The following MDH1B variants were observed in gnomAD, a reference collection of about 807,000 sequenced individuals.
MDH1B encodes malate dehydrogenase 1B, also known as putative malate dehydrogenase 1B.
A neutral mutation model predicts 61.4 loss-of-function variants in MDH1B; 60 were observed. The ratio of observed to expected loss-of-function variants is 0.98; its 90% confidence interval spans 0.79 to 1.21. MDH1B has a LOEUF of 1.21. Ranked by LOEUF, MDH1B falls within the 50% of genes most tolerant of loss-of-function variation. The probability of loss-of-function intolerance (pLI) is 0.00; values close to 1 mark genes in which losing one functional copy is unlikely to be tolerated. For missense variants in MDH1B, 587 were observed against 632.1 expected, an observed-to-expected ratio of 0.93 and a Z score of 0.76; for synonymous variants, 236 against 218.7, an observed-to-expected ratio of 1.08 and a Z score of -0.70.
chr2:206,740,605 A>G (rs7588881), intron 10 of MDH1B, among the ~76,000 whole-genome samples: 4,956 of 152,264 alleles, frequency 0.033, 272 homozygotes, highest in African/African-American at 0.11. Context: ...TAAATTATAT[A>G]TATGATGAGA....
intron 9 of MDH1B, among the ~76,000 whole-genome samples, chr2:206,742,375 A>G (rs947882871): frequency 1.3e-5 from 2 of 152,220 alleles, no homozygotes; most frequent in Middle Eastern, 3.2e-3. Flanking sequence ...AGCTGGGGAC[A>G]CTGAGTTTGT....
At chr2:206,744,838 T>A (rs944958473) in intron 9 of MDH1B, among the ~76,000 whole-genome samples, 1 of 152,002 alleles carries the variant, frequency 6.6e-6, no homozygotes, top group South Asian at 2.1e-4. Context: ...GACAGGAGAA[T>A]CGCTCGTACC....
intron 1 of MDH1B, among the ~76,000 whole-genome samples, chr2:206,761,236 G>A (rs1425764025): frequency 1.3e-5 from 2 of 151,764 alleles, no homozygotes; most frequent in African/African-American, 4.8e-5. Flanking sequence ...ACAAAATGTG[G>A]AAAGAAAAAA....
chr2:206,763,951 A>G (rs1689265422), intron 1 of MDH1B, among the ~76,000 whole-genome samples: 1 of 152,072 alleles, frequency 6.6e-6, no homozygotes, highest in Non-Finnish European at 1.5e-5. Context: ...TACATGCAAC[A>G]TTCTCTGTGT....
intron 7 of MDH1B, 129 bp downstream of exon 7, chr2:206,748,891 T>A: frequency 1.4e-6 from 1 of 703,956 alleles, no homozygotes; most frequent in Non-Finnish European, 2.3e-6. Flanking sequence ...TGAATGAGTA[T>A]GAAATTGTAA....
chr2:206,756,292 T>C (rs1350270329), intron 4 of MDH1B, among the ~76,000 whole-genome samples: 1 of 152,074 alleles, frequency 6.6e-6, no homozygotes, highest in Non-Finnish European at 1.5e-5. Flanking sequence ...TAATAACAAT[T>C]TTAAAAATGA....
intron 6 of MDH1B, among the ~76,000 whole-genome samples, chr2:206,750,057 A>C (rs566150687): frequency 8.5e-5 from 13 of 152,270 alleles, no homozygotes; most frequent in African/African-American, 3.1e-4. Context: ...ATCATGCTTC[A>C]AAATAGTGAA....
intron 2 of MDH1B, among the ~76,000 whole-genome samples, chr2:206,758,204 CA>C (rs780640121): frequency 1.3e-5 from 2 of 152,182 alleles, no homozygotes; most frequent in Non-Finnish European, 2.9e-5. Context: ...CTGCACCCTG[CA>C]AAGCATGTTA....
intron 2 of MDH1B, among the ~76,000 whole-genome samples, chr2:206,758,771 C>CAAAAAA (rs57657864): frequency 0.12 from 18,588 of 150,262 alleles, 1,679 homozygotes; most frequent in African/African-American, 0.26. Flanking sequence ...CATCTCAAAA[C>CAAAAAA]ACACACACAC....
At chr2:206,751,844 T>A (rs749193585) in intron 5 of MDH1B, among the ~76,000 whole-genome samples, 1 of 152,244 alleles carries the variant, frequency 6.6e-6, no homozygotes, top group Non-Finnish European at 1.5e-5. Flanking sequence ...ATGAAAACTT[T>A]AAATAAATAA....
At chr2:206,746,237 GT>G in intron 8 of MDH1B, 49 bp downstream of exon 8, 1 of 1,558,056 alleles carries the variant, frequency 6.4e-7, no homozygotes, top group Middle Eastern at 1.7e-4. Flanking sequence ...AGGAGAATCA[GT>G]TTAAGGTCAT....
chr2:206,740,383 A>T (rs1687740619), intron 10 of MDH1B, among the ~76,000 whole-genome samples: 1 of 152,232 alleles, frequency 6.6e-6, no homozygotes, highest in South Asian at 2.1e-4. Context: ...TTTACTATTC[A>T]TTAAGTGGAA....
At position 206,737,771 on chromosome 2, in the gene MDH1B, CA is replaced by C. The variant is rs922087133; in HGVS notation, c.*711del. On this transcript the variant is annotated 3_prime_UTR_variant, in exon 12 of 12. Coordinates refer to ENST00000374412, the MANE Select transcript of MDH1B (RefSeq NM_001039845.3). Reference sequence around the variant, plus strand: ...TAGTAAAAATATTAGGCTTTTCTTTCAAAATTCATTTTATTCAGGCCATATC... The same window carrying C: ...TAGTAAAAATATTAGGCTTTTCTTTCAAATTCATTTTATTCAGGCCATATC... 6.6e-4 allele frequency: 100 copies of C among 152,252 alleles called. No individual in the cohort carries two copies. Among genetic ancestry groups the C allele is most frequent in the African/African-American group, 2.4e-3 (99 of 41,554 alleles). 9.4% of individuals were successfully genotyped at this position (152,252 alleles called of 1,614,324 possible).
At chr2:206,752,793 T>C (rs62195962) in intron 5 of MDH1B, among the ~76,000 whole-genome samples, 2 of 6,124 alleles carry the variant, frequency 3.3e-4, no homozygotes, top group African/African-American at 3.5e-3. Context: ...CCCCTCCTCC[T>C]TTTTTTTTTT....
chr2:206,757,050 G>A lies in MDH1B; in HGVS notation c.271-10C>T. The A allele has an allele frequency of 1.2e-6, 2 of 1,609,680 alleles. No individual in the cohort carries two copies. The highest frequency in any genetic ancestry group is 1.7e-6 in the Non-Finnish European group (2 of 1,177,926). On this transcript the variant is annotated splice_polypyrimidine_tract_variant and intron_variant, in intron 3 of 11. Coordinates refer to ENST00000374412, the MANE Select transcript of MDH1B (RefSeq NM_001039845.3). ...TGACATCATAGTAAAGCTAAATATT[G>A]GGAGAGAAAAAGTCAATATCAGAGA... is the stretch of plus-strand genomic sequence containing the variant.
rs1428609706 is a variant in MDH1B at position 206,765,023 on chromosome 2, C to T, written c.22+227G>A. 2.6e-5 allele frequency among the ~76,000 whole-genome samples: 4 copies of T among 152,238 alleles called. No individual in the cohort carries two copies. The East Asian group carries it at 5.8e-4, about 22-fold the overall frequency. Reference sequence around the variant, plus strand: ...CCGTATCAAAAGTACATGTTCTGTGCCCCATGAGACTGAAAGCTCCTCTAA... The same window carrying T: ...CCGTATCAAAAGTACATGTTCTGTGTCCCATGAGACTGAAAGCTCCTCTAA... On this transcript the variant is annotated intron_variant, in intron 1 of 11. Transcript: ENST00000374412.
intron 8 of MDH1B, among the ~76,000 whole-genome samples, chr2:206,746,045 T>C (rs531988702): frequency 6.2e-4 from 95 of 152,298 alleles, no homozygotes; most frequent in Non-Finnish European, 1.0e-3. Flanking sequence ...TATTCTTTAA[T>C]AGAAAAACAC....
intron 1 of MDH1B, among the ~76,000 whole-genome samples, chr2:206,764,753 G>A (rs554358243): frequency 6.6e-6 from 1 of 152,242 alleles, no homozygotes; most frequent in South Asian, 2.1e-4. Context: ...CCTGGCTCCT[G>A]CTCCTGTTGT....
chr2:206,741,096 C>T lies in MDH1B; in HGVS notation c.1417G>A (p.Asp473Asn). ...HFQPYQSGHK[D>N]LVPDEEKNLA... ...TTTTTTTCTTCATCAGGGACCAGAT[C>T]TTTATGTCCTGAAATCAAAATTAAA... Residue 473 changes from aspartate (D) to asparagine (N), a missense_variant, in exon 10 of 12, where the codon GAT becomes AAT. Asp to Asn is a conservative substitution (Grantham distance 23). Coordinates refer to ENST00000374412, the MANE Select transcript of MDH1B (RefSeq NM_001039845.3). 2 of 1,612,554 alleles carry T rather than the reference C, an allele frequency of 1.2e-6. No individual in the cohort carries two copies. Among genetic ancestry groups the T allele is most frequent in the Non-Finnish European group, 1.7e-6 (2 of 1,179,066 alleles).
Sources: allele counts gnomAD v4.1 joint callset (sites outside exome capture counted in the v4.1 genomes callset), GRCh38; gene constraint gnomAD v4.1.1; transcripts MANE v1.5; gene names NCBI Gene and HGNC (gene_info 2026-07-23, HGNC 2026-07-21).